The following ANXA9 variants were observed in gnomAD, a reference collection of about 807,000 sequenced individuals.
The protein encoded by ANXA9 is annexin A9.
In ANXA9, 47 loss-of-function variants were observed where a neutral mutation model predicts 51.8. The ratio of observed to expected loss-of-function variants is 0.91; its 90% CI spans 0.72 to 1.16. The LOEUF is 1.16. Among genes scored for constraint, ANXA9 ranks in the 50% most tolerant of loss-of-function variants. The pLI is 0.00. For missense variants in ANXA9, 361 were observed against 424.7 expected, an observed-to-expected ratio of 0.85 and a Z score of 1.32; for synonymous variants, 154 against 168.7, an observed-to-expected ratio of 0.91 and a Z score of 0.68.
rs760331715 is a variant in ANXA9 at position 150,987,941 on chromosome 1, G to T, written c.682G>T (p.Glu228Ter). Residue 228 changes from glutamate (E) to a stop codon, truncating the protein, a stop_gained, in exon 10 of 14, where the codon GAA becomes TAA. Coordinates refer to ENST00000368947, the MANE Select transcript of ANXA9 (RefSeq NM_003568.3). LOFTEE classifies it high-confidence loss of function. ...CCCAGTCTTCACCCAGCGAAATCCTGAACACCTCATCCGAGGTACACACAA... is the reference window on the plus strand; with the variant it reads ...CCCAGTCTTCACCCAGCGAAATCCTTAACACCTCATCCGAGGTACACACAA... ...WVPVFTQRNP[E>*]HLIRVFDQYQ... 8 of 1,613,978 alleles carry T rather than the reference G, an allele frequency of 5.0e-6. No individual in the cohort carries two copies. The Admixed American group carries it at 6.7e-5, about 13-fold the overall frequency.
intron 12 of ANXA9, 24 bp from the exon 13 acceptor site, chr1:150,994,553 C>T (rs201348929): frequency 6.2e-7 from 1 of 1,613,174 alleles, no homozygotes; most frequent in East Asian, 2.2e-5. Flanking sequence ...CTAACTACCC[C>T]CCATCTCTTT....
Position 150,986,239 on chromosome 1 carries a change from C to G in ANXA9, c.473-97C>G, listed in dbSNP as rs587626315. On this transcript the variant is annotated intron_variant, in intron 7 of 13. Transcript: ENST00000368947. ...CTACTCCAAGCAGGGGCTAGCAGGG[C>G]TGGCAGGGTATAGCGGGTCAGGCAT... is the stretch of plus-strand genomic sequence containing the variant. 4.7e-6 allele frequency: 5 copies of G among 1,056,608 alleles called. No individual in the cohort carries two copies. The South Asian group carries it at 6.7e-5, about 14-fold the overall frequency. 65.5% of individuals were successfully genotyped at this position (1,056,608 alleles called of 1,614,324 possible).
chr1:150,977,772 CAG>C (rs1671361838), upstream of ANXA9, among the ~76,000 whole-genome samples: 1 of 152,188 alleles, frequency 6.6e-6, no homozygotes, highest in Non-Finnish European at 1.5e-5. Flanking sequence ...CATTTCCTAA[CAG>C]AGAGGTAAAA....
At chr1:150,987,847 T>C (rs1177588839) in intron 9 of ANXA9, 25 bp from the exon 10 acceptor site, 2 of 1,604,556 alleles carry the variant, frequency 1.2e-6, no homozygotes, top group Non-Finnish European at 1.7e-6. Flanking sequence ...GATTGACTCC[T>C]CCCTGACTCA....
intron 11 of ANXA9, 43 bp downstream of exon 11, chr1:150,988,229 A>T: frequency 1.2e-6 from 2 of 1,614,052 alleles, no homozygotes; most frequent in Non-Finnish European, 8.5e-7. Context: ...CTCTCTTGGG[A>T]TGGGAGATTG....
chr1:150,984,390 T>C lies in ANXA9; in HGVS notation c.377T>C (p.Leu126Pro). 1.2e-6 allele frequency: 2 copies of C among 1,613,332 alleles called. No individual in the cohort carries two copies. Among genetic ancestry groups the C allele is most frequent in the Non-Finnish European group, 1.7e-6 (2 of 1,179,280 alleles). Residue 126 changes from leucine to proline, a missense_variant, in exon 6 of 14, where the codon CTG becomes CCG. Leu to Pro is a moderately conservative substitution (Grantham distance 98). Coordinates refer to ENST00000368947, the MANE Select transcript of ANXA9 (RefSeq NM_003568.3). ...QFDAQELRTA[L>P]KASDSAVDVA... ...GACGCCCAGGAATTGAGGACAGCTC[T>C]GAAGGTAGCAGGAGGGGAGACTTGC... is the stretch of plus-strand genomic sequence containing the variant.
At chr1:150,989,015 C>CAGGATGG in intron 12 of ANXA9, among the ~76,000 whole-genome samples, 1 of 151,504 alleles carries the variant, frequency 6.6e-6, no homozygotes, top group East Asian at 1.9e-4. Context: ...TCTTGTTGCC[C>CAGGATGG]AGGCTGGAGG....
chr1:150,987,988 G>C, intron 10 of ANXA9, 32 bp downstream of exon 10: 2 of 1,613,920 alleles, frequency 1.2e-6, no homozygotes, highest in Non-Finnish European at 1.7e-6. Context: ...CCCCTAGCTT[G>C]CTCTAATGAT....
chr1:150,987,883 G>A lies in ANXA9; in HGVS notation c.624G>A (p.Arg208=). The A allele has an allele frequency of 6.2e-7, 1 of 1,613,976 alleles. No homozygotes were observed. The highest frequency in any genetic ancestry group is 8.5e-7 in the Non-Finnish European group (1 of 1,179,948). ...LAEQDVQALQ[R]AEGPSREETW... ...TTCCTCCCTCCTAGGCACTGCAGCG[G>A]GCAGAAGGACCTAGCAGAGAGGAAA... The change falls in exon 10 of 14, where the codon CGG becomes CGA. Residue 208 remains arginine (R), a synonymous_variant. Transcript: ENST00000368947.
chr1:150,994,525 C>A, intron 12 of ANXA9, 52 bp from the exon 13 acceptor site: 1 of 1,607,418 alleles, frequency 6.2e-7, no homozygotes, highest in Non-Finnish European at 8.5e-7. Context: ...TCAACCCCTA[C>A]TCTCAGTGAG....
At chr1:150,991,574 A>C (rs1671699962) in intron 12 of ANXA9, among the ~76,000 whole-genome samples, 1 of 139,872 alleles carries the variant, frequency 7.1e-6, no homozygotes, top group Non-Finnish European at 1.5e-5. Context: ...ATGGAGTCTC[A>C]CTCTGTCGCT....
At chr1:150,984,769 G>A (rs1471769111) in intron 7 of ANXA9, 93 bp downstream of exon 7, 5 of 1,071,994 alleles carry the variant, frequency 4.7e-6, no homozygotes, top group South Asian at 4.3e-5. Flanking sequence ...GAGCTATCTG[G>A]CAACCTGGCT....
intron 7 of ANXA9, among the ~76,000 whole-genome samples, chr1:150,985,015 A>G (rs999866798): frequency 5.9e-5 from 9 of 151,904 alleles, no homozygotes; most frequent in Non-Finnish European, 1.3e-4. Context: ...ATTCAAAAAA[A>G]CCAGCTGGTC....
intron 5 of ANXA9, 83 bp downstream of exon 5, chr1:150,984,152 G>A: frequency 1.3e-6 from 2 of 1,541,728 alleles, no homozygotes; most frequent in Non-Finnish European, 1.8e-6. Context: ...CAGCCGCTGA[G>A]GCCAGCCCCT....
At chr1:150,983,824 C>A in intron 4 of ANXA9, 151 bp from the exon 5 acceptor site, 1 of 782,304 alleles carries the variant, frequency 1.3e-6, no homozygotes, top group Non-Finnish European at 2.1e-6. Flanking sequence ...TTATTTGCAA[C>A]TTCTTTTGAG....
At chr1:150,984,254 C>T (rs1310485892) in intron 5 of ANXA9, 27 bp from the exon 6 acceptor site, 2 of 1,601,818 alleles carry the variant, frequency 1.2e-6, no homozygotes, top group South Asian at 1.1e-5. Flanking sequence ...ACCCCCGTCC[C>T]TCTGCTGTGA....
intron 12 of ANXA9, among the ~76,000 whole-genome samples, chr1:150,992,194 G>A (rs1671721063): frequency 6.6e-6 from 1 of 152,194 alleles, no homozygotes; most frequent in Non-Finnish European, 1.5e-5. Context: ...CCAATCTGTA[G>A]TAAAAATTAA....
intron 12 of ANXA9, among the ~76,000 whole-genome samples, chr1:150,994,073 G>A (rs1314901678): frequency 6.6e-6 from 1 of 152,168 alleles, no homozygotes; most frequent in Non-Finnish European, 1.5e-5. Flanking sequence ...CTGTGAGATG[G>A]CCCTATTGGG....
intron 13 of ANXA9, 41 bp downstream of exon 13, chr1:150,994,740 C>T (rs1671792426): frequency 6.2e-7 from 1 of 1,608,976 alleles, no homozygotes; most frequent in Non-Finnish European, 8.5e-7. Flanking sequence ...CTCAGGCCTT[C>T]ACTCCTCACC....
Sources: gnomAD v4.1 joint callset for allele counts (sites outside exome capture counted in the v4.1 genomes callset) on GRCh38, gnomAD v4.1.1 for gene constraint, MANE v1.5 for transcripts, NCBI Gene and HGNC (gene_info 2026-07-23, HGNC 2026-07-21) for gene names.